Variants in XPO1 observed in about 807,000 individuals in gnomAD.
The protein encoded by XPO1 is exportin 1.
A neutral mutation model predicts 133.3 loss-of-function variants in XPO1; 5 were observed. The ratio of observed to expected loss-of-function variants is 0.04; its 90% confidence interval spans 0.02 to 0.08. The LOEUF is 0.08. Among genes scored for constraint, XPO1 ranks in the 10% least tolerant of loss-of-function variants. The pLI, the probability that XPO1 is intolerant of heterozygous loss-of-function variation, is 1.00. For synonymous variants in XPO1, 419 were observed against 408.2 expected, an observed-to-expected ratio of 1.03 and a Z score of -0.32; for missense variants, 506 against 1,267.5, an observed-to-expected ratio of 0.40 and a Z score of 9.12.
chr2:61,519,046 G>C (rs1698554166), intron 4 of XPO1, among the ~76,000 whole-genome samples: 1 of 152,090 alleles, frequency 6.6e-6, no homozygotes, highest in African/African-American at 2.4e-5. Flanking sequence ...CGCCTCCCGG[G>C]TTCAAGCAAT....
chr2:61,499,643 A>G, intron 7 of XPO1, 70 bp downstream of exon 7: 2 of 1,404,636 alleles, frequency 1.4e-6, no homozygotes, highest in Non-Finnish European at 1.9e-6. Context: ...AATATCTACA[A>G]TTTACATCCA....
chr2:61,514,491 G>A (rs1698259048), intron 4 of XPO1, among the ~76,000 whole-genome samples: 1 of 151,274 alleles, frequency 6.6e-6, no homozygotes, highest in South Asian at 2.1e-4. Flanking sequence ...TACTCAGGAG[G>A]CTGAGGCAGG....
At position 61,493,518 on chromosome 2, in the gene XPO1, AT is replaced by A. The variant is rs564756476; in HGVS notation, c.1245+375del. 3.9e-4 allele frequency: 79 copies of A among 201,804 alleles called. No homozygotes were observed. In the Middle Eastern group the frequency reaches 6.4e-3, roughly 16 times the overall value. 12.5% of individuals were successfully genotyped at this position (201,804 alleles called of 1,614,324 possible). A position where few individuals can be genotyped will look rare whatever the true frequency, so the allele number is the denominator to read the frequency against. ...CAAGACCCTGTCTCCAAAAGAAAAA[AT>A]TTTTTTTCACTGTAATTCTACAAAA... On this transcript the variant is annotated intron_variant, in intron 12 of 24. Coordinates refer to ENST00000401558, the MANE Select transcript of XPO1 (RefSeq NM_003400.4).
intron 1 of XPO1, among the ~76,000 whole-genome samples, chr2:61,535,957 T>G (rs751968455): frequency 6.6e-6 from 1 of 152,268 alleles, no homozygotes; most frequent in Non-Finnish European, 1.5e-5. Context: ...AAGATCCATG[T>G]ATCAAAAGTT....
At chr2:61,488,565 T>C in intron 18 of XPO1, 23 bp downstream of exon 18, 1 of 1,607,652 alleles carries the variant, frequency 6.2e-7, no homozygotes, top group Non-Finnish European at 8.5e-7. Flanking sequence ...TACTGCATTG[T>C]GTAAGAAATC....
chr2:61,502,844 T>C (rs1697602103), intron 4 of XPO1, among the ~76,000 whole-genome samples: 1 of 152,124 alleles, frequency 6.6e-6, no homozygotes, highest in African/African-American at 2.4e-5. Context: ...TAGACTCAAG[T>C]GATCCTCCTG....
intron 4 of XPO1, among the ~76,000 whole-genome samples, chr2:61,507,276 A>T (rs1697875173): frequency 6.7e-6 from 1 of 148,478 alleles, no homozygotes; most frequent in African/African-American, 2.5e-5. Context: ...AGAAAACGAT[A>T]CAAAAATCAA....
chr2:61,488,023 G>A (rs1018586331), intron 19 of XPO1, 142 bp downstream of exon 19: 7 of 657,110 alleles, frequency 1.1e-5, no homozygotes, highest in Admixed American at 5.5e-5. Context: ...ATTAACGTAA[G>A]GACTACAATA....
intron 4 of XPO1, among the ~76,000 whole-genome samples, chr2:61,508,775 CAT>C (rs1179349202): frequency 1.3e-5 from 2 of 152,132 alleles, no homozygotes; most frequent in Non-Finnish European, 2.9e-5. Context: ...ATCTTCAAGT[CAT>C]AGAGTTGTAC....
At chr2:61,526,858 C>T (rs1025849665) in intron 2 of XPO1, among the ~76,000 whole-genome samples, 1 of 152,014 alleles carries the variant, frequency 6.6e-6, no homozygotes, top group African/African-American at 2.4e-5. Flanking sequence ...TAGGCAGGTG[C>T]CACCACAGCC....
chr2:61,489,378 A>C (rs1573119554), intron 17 of XPO1, among the ~76,000 whole-genome samples: 1 of 147,224 alleles, frequency 6.8e-6, no homozygotes, highest in African/African-American at 2.5e-5. Flanking sequence ...ACGCCATTGC[A>C]CTCCAGCCCG....
intron 2 of XPO1, 24 bp downstream of exon 2, chr2:61,533,748 T>C (rs751851106): frequency 1.9e-6 from 3 of 1,562,606 alleles, no homozygotes; most frequent in African/African-American, 1.4e-5. Context: ...CATAATGTTA[T>C]AAAGTTTTGG....
At chr2:61,520,296 G>C (rs1170069794) in intron 4 of XPO1, among the ~76,000 whole-genome samples, 1 of 152,156 alleles carries the variant, frequency 6.6e-6, no homozygotes, top group Non-Finnish European at 1.5e-5. Context: ...AGAAGTTCTA[G>C]TGTATTTTGT....
intron 4 of XPO1, among the ~76,000 whole-genome samples, chr2:61,515,191 T>TTA (rs1269866996): frequency 2.0e-5 from 3 of 152,126 alleles, no homozygotes; most frequent in African/African-American, 7.2e-5. Context: ...CAGATCTTGA[T>TTA]TATACAGAGG....
At chr2:61,524,164 A>G (rs1018107106) in intron 3 of XPO1, among the ~76,000 whole-genome samples, 1 of 152,170 alleles carries the variant, frequency 6.6e-6, no homozygotes, top group African/African-American at 2.4e-5. Flanking sequence ...GATTGTCAAG[A>G]CTCAGTAAGT....
chr2:61,488,780 A>G lies in XPO1; in HGVS notation c.2023-9T>C, dbSNP rs1298100730. 4.3e-6 allele frequency: 7 copies of G among 1,610,034 alleles called. No individual in the cohort carries two copies. Among genetic ancestry groups the G allele is most frequent in the Non-Finnish European group, 5.9e-6 (7 of 1,178,312 alleles). ...TTCAGTATATCCACATTCTTGGAGG[A>G]AAAAAAGCAAATTCCATTTATCATA... On this transcript the variant is annotated splice_polypyrimidine_tract_variant and intron_variant, in intron 17 of 24. Coordinates refer to ENST00000401558, the MANE Select transcript of XPO1 (RefSeq NM_003400.4).
intron 4 of XPO1, among the ~76,000 whole-genome samples, chr2:61,520,018 T>C (rs773908665): frequency 2.0e-5 from 3 of 152,164 alleles, no homozygotes; most frequent in Admixed American, 6.6e-5. Context: ...ACTATAACAC[T>C]GTGACATACA....
chr2:61,501,152 G>T (rs1474925232), intron 6 of XPO1, among the ~76,000 whole-genome samples: 1 of 152,026 alleles, frequency 6.6e-6, no homozygotes, highest in African/African-American at 2.4e-5. Flanking sequence ...AATAAAAGCT[G>T]GAGTTAATTA....
intron 4 of XPO1, 146 bp from the exon 5 acceptor site, chr2:61,502,456 T>A (rs942888107): frequency 3.8e-5 from 31 of 811,090 alleles, no homozygotes; most frequent in Non-Finnish European, 5.8e-5. Context: ...ATTGGCATTT[T>A]AAAAAAATTC....
Sources: gnomAD v4.1 joint callset for allele counts (sites outside exome capture counted in the v4.1 genomes callset) on GRCh38, gnomAD v4.1.1 for gene constraint, MANE v1.5 for transcripts, NCBI Gene and HGNC (gene_info 2026-07-23, HGNC 2026-07-21) for gene names.